Variants in SORBS2 observed in about 807,000 individuals in gnomAD.
SORBS2 encodes the protein sorbin and SH3 domain containing 2, also known as sorbin and SH3 domain-containing protein 2.
SORBS2 carries 46 observed loss-of-function variants against 97.7 expected under a neutral mutation model. The ratio of observed to expected loss-of-function variants is 0.47; its 90% CI spans 0.37 to 0.60. The LOEUF (loss-of-function observed/expected upper bound fraction) is 0.60. Among genes scored for constraint, SORBS2 ranks in the 20% least tolerant of loss-of-function variants. The pLI, the probability that SORBS2 is intolerant of heterozygous loss-of-function variation, is 0.00. For missense variants in SORBS2, 1,316 were observed against 1,282.3 expected (o/e 1.03, Z -0.40); for synonymous variants, 476 against 473.4 (o/e 1.01, Z -0.07).
intron 1 of SORBS2, among the ~76,000 whole-genome samples, chr4:185,876,871 A>G (rs2099233978): frequency 6.6e-6 from 1 of 152,258 alleles, no homozygotes; most frequent in African/African-American, 2.4e-5. Context: ...ATTGTGAAGT[A>G]TATGATAAAA....
intron 4 of SORBS2, chr4:185,677,752 A>G (rs2097812580): frequency 1.6e-6 from 1 of 637,886 alleles, no homozygotes; most frequent in African/African-American, 1.8e-5. Flanking sequence ...AAGTAAAGCA[A>G]TGCCACACCT....
chr4:185,613,781 A>G (rs75920255), intron 11 of SORBS2, among the ~76,000 whole-genome samples: 3,774 of 152,198 alleles, frequency 0.025, 163 homozygotes, highest in African/African-American at 0.087. Context: ...TTTCTGTAGA[A>G]CATGGAACAG....
chr4:185,623,510 T>C lies in SORBS2; in HGVS notation c.1619A>G (p.Tyr540Cys). 6.2e-7 allele frequency: 1 copy of C among 1,613,904 alleles called. No individual in the cohort carries two copies. Among genetic ancestry groups the C allele is most frequent in the Non-Finnish European group, 8.5e-7 (1 of 1,179,978 alleles). The change falls in exon 7 of 15, where the codon TAC becomes TGC. Residue 540 changes from tyrosine to cysteine, a missense_variant. Physicochemically the swap from Tyr to Cys is radical, Grantham distance 194. Transcript: ENST00000418609. This position sits in a 1 kb window ranked among gnomAD's most constrained non-coding sequence, Gnocchi z 6.4. ...ATGGTGGTGGTGGTGGCTGGATCCG[T>C]AAAAGCTTTCGGAGGATGTGAAGGA...
chr4:185,851,752 G>T (rs1440275211), intron 1 of SORBS2, among the ~76,000 whole-genome samples: 2 of 152,076 alleles, frequency 1.3e-5, no homozygotes, highest in Non-Finnish European at 2.9e-5. Flanking sequence ...GACTAGACTG[G>T]CTTAGCCTCC....
exon 15 of SORBS2, chr4:185,587,506 A>T (rs2095814281): frequency 1.3e-6 from 1 of 778,616 alleles, no homozygotes; most frequent in Non-Finnish European, 2.2e-6. Flanking sequence ...TGGCAGGTGG[A>T]GATGGTGACG....
chr4:185,631,719 G>A (rs781773118), intron 4 of SORBS2, among the ~76,000 whole-genome samples: 8 of 151,938 alleles, frequency 5.3e-5, no homozygotes, highest in Non-Finnish European at 1.2e-4. Context: ...TCGAGATGGC[G>A]CCACTGCACT....
chr4:185,743,773 T>G (rs561715928), intron 2 of SORBS2, among the ~76,000 whole-genome samples: 2 of 150,250 alleles, frequency 1.3e-5, no homozygotes, highest in East Asian at 4.0e-4. Flanking sequence ...CTTCTGGTTC[T>G]TTCTTCTCCT....
chr4:185,924,254 G>A (rs2099262413), intron 1 of SORBS2, among the ~76,000 whole-genome samples: 1 of 152,178 alleles, frequency 6.6e-6, no homozygotes, highest in South Asian at 2.1e-4. Flanking sequence ...CACTGCCAGG[G>A]AGTGAGTGGG....
chr4:185,639,155 G>C (rs1392094146), intron 4 of SORBS2, 120 bp from the exon 14 acceptor site: 2 of 905,636 alleles, frequency 2.2e-6, no homozygotes, highest in Admixed American at 7.5e-5. Flanking sequence ...GCCTCCGGAC[G>C]GCGAAGTGTC....
intron 2 of SORBS2, among the ~76,000 whole-genome samples, chr4:185,680,698 G>T (rs79318606): frequency 6.6e-6 from 1 of 152,120 alleles, no homozygotes; most frequent in Non-Finnish European, 1.5e-5. Context: ...CGCTGGGGAC[G>T]AGGTAATGGG....
intron 1 of SORBS2, among the ~76,000 whole-genome samples, chr4:185,869,882 C>T (rs1175465960): frequency 2.0e-5 from 3 of 152,120 alleles, no homozygotes; most frequent in Non-Finnish European, 4.4e-5. Flanking sequence ...ATGGATTTCT[C>T]GAGGAATAAT....
chr4:185,839,984 T>C (rs1000409586), intron 1 of SORBS2, among the ~76,000 whole-genome samples: 2 of 118,024 alleles, frequency 1.7e-5, no homozygotes, highest in Non-Finnish European at 3.6e-5. Context: ...CCTCTCAGCA[T>C]GAGTCTTACC....
At chr4:185,918,377 T>A (rs2099259336) in intron 1 of SORBS2, 1 of 152,230 alleles carries the variant, frequency 6.6e-6, no homozygotes, top group African/African-American at 2.4e-5. Flanking sequence ...TTTAAATTGT[T>A]TACGAGTAAT....
chr4:185,768,697 T>TGAGA (rs756197787), intron 2 of SORBS2, among the ~76,000 whole-genome samples: 1 of 65,834 alleles, frequency 1.5e-5, no homozygotes. Context: ...AGACTCTGTC[T>TGAGA]CAAAAAAAAA....
chr4:185,948,277 C>G (rs139420229), intron 1 of SORBS2, among the ~76,000 whole-genome samples: 1 of 152,198 alleles, frequency 6.6e-6, no homozygotes, highest in East Asian at 1.9e-4. Context: ...TACATAGCAT[C>G]TTTTCAGGCA....
intron 1 of SORBS2, among the ~76,000 whole-genome samples, chr4:185,797,141 A>G (rs964209736): frequency 1.3e-5 from 2 of 152,196 alleles, no homozygotes; most frequent in African/African-American, 4.8e-5. Context: ...CTAGCAACGC[A>G]GGACCACACT....
intron 14 of SORBS2, among the ~76,000 whole-genome samples, 167 bp downstream of exon 26, chr4:185,589,512 A>G (rs1241242249): frequency 6.6e-6 from 1 of 152,244 alleles, no homozygotes; most frequent in Non-Finnish European, 1.5e-5. Flanking sequence ...ACTAAACTAT[A>G]TTAAAAATGC....
intron 1 of SORBS2, among the ~76,000 whole-genome samples, chr4:185,819,706 G>T (rs376309594): frequency 3.3e-5 from 5 of 152,160 alleles, no homozygotes; most frequent in African/African-American, 7.2e-5. Context: ...AGGCTGACTC[G>T]GTGGGTTGCG....
chr4:185,760,152 G>T (rs1049838616), intron 2 of SORBS2, among the ~76,000 whole-genome samples: 4 of 152,152 alleles, frequency 2.6e-5, no homozygotes, highest in Non-Finnish European at 5.9e-5. Flanking sequence ...CTCAGATCAG[G>T]AACAACCATA....
Sources: allele counts gnomAD v4.1 joint callset (sites outside exome capture counted in the v4.1 genomes callset), GRCh38; gene constraint gnomAD v4.1.1; non-coding constraint Gnocchi (gnomAD v3.1); transcripts MANE v1.5; gene names NCBI Gene and HGNC (gene_info 2026-07-23, HGNC 2026-07-21).